The following EML1 variants were observed in gnomAD, a reference collection of about 807,000 sequenced individuals.
EML1 encodes echinoderm microtubule-associated protein-like 1.
Under a neutral mutation model 110.4 loss-of-function variants are expected in EML1, and 27 were observed. The observed-to-expected ratio is 0.24, with a 90% CI of 0.18 to 0.34. EML1 has a LOEUF of 0.34. Among genes scored for constraint, EML1 ranks in the 10% least tolerant of loss-of-function variants. The pLI is 1.00. For synonymous variants in EML1, 344 were observed against 385.8 expected, an observed-to-expected ratio of 0.89 and a Z score of 1.27; for missense variants, 741 against 1,030.9, an observed-to-expected ratio of 0.72 and a Z score of 3.85.
intron 1 of EML1, among the ~76,000 whole-genome samples, chr14:99,744,181 GA>G (rs1262971503): frequency 2.6e-5 from 4 of 152,096 alleles, no homozygotes; most frequent in Non-Finnish European, 5.9e-5. Context: ...GGATGCTCCA[GA>G]ATAAACAAAT....
intron 4 of EML1, among the ~76,000 whole-genome samples, chr14:99,883,764 A>C (rs142530938): frequency 2.0e-5 from 3 of 152,152 alleles, no homozygotes; most frequent in African/African-American, 7.2e-5. Context: ...GAATAAATGC[A>C]CTCTTGCAAT....
upstream of EML1, among the ~76,000 whole-genome samples, chr14:99,790,866 C>CTTTTTTT (rs58349128): frequency 7.7e-5 from 11 of 142,774 alleles, no homozygotes; most frequent in African/African-American, 1.3e-4. Context: ...TTTTCTTTTC[C>CTTTTTTT]TTTTTTTTTG....
At chr14:99,861,284 A>G (rs2139867406) in intron 2 of EML1, among the ~76,000 whole-genome samples, 1 of 152,342 alleles carries the variant, frequency 6.6e-6, no homozygotes, top group African/African-American at 2.4e-5. Context: ...GACGGTGGCC[A>G]GGGCAAGGCG....
intron 1 of EML1, among the ~76,000 whole-genome samples, chr14:99,761,817 C>T (rs942166736): frequency 1.3e-5 from 2 of 151,162 alleles, no homozygotes; most frequent in African/African-American, 2.4e-5. Context: ...CCCAGCTAAT[C>T]GGGAGGCTGA....
At chr14:99,751,669 G>A (rs1313420717) in intron 1 of EML1, among the ~76,000 whole-genome samples, 1 of 152,140 alleles carries the variant, frequency 6.6e-6, no homozygotes, top group Non-Finnish European at 1.5e-5. Flanking sequence ...CCGGGCCATG[G>A]AGCTTCTGAG....
chr14:99,778,727 A>AAAGTGTAATACC (rs1409658309), intron 1 of EML1, among the ~76,000 whole-genome samples: 1 of 152,144 alleles, frequency 6.6e-6, no homozygotes, highest in Non-Finnish European at 1.5e-5. Flanking sequence ...TGCACACATG[A>AAAGTGTAATACC]TTTGATGGTG....
chr14:99,876,963 A>AT (rs1428344845), intron 3 of EML1, among the ~76,000 whole-genome samples: 1 of 152,202 alleles, frequency 6.6e-6, no homozygotes, highest in Non-Finnish European at 1.5e-5. Context: ...GCGTGGACTA[A>AT]TGATGTAGAT....
chr14:99,935,471 A>C (rs2060450486), intron 17 of EML1, among the ~76,000 whole-genome samples: 1 of 149,462 alleles, frequency 6.7e-6, no homozygotes, highest in African/African-American at 2.5e-5. Flanking sequence ...TCTCAAAAGA[A>C]AAAAAAAAAG....
Position 99,939,877 on chromosome 14 carries a change from C to A in EML1, c.2323-110C>A. 1 of 1,350,368 alleles carries A rather than the reference C, an allele frequency of 7.4e-7. No homozygotes were observed. The highest frequency in any genetic ancestry group is 9.8e-7 in the Non-Finnish European group (1 of 1,019,696). The allele number at this position is 1,350,368 out of a possible 1,614,324, so 83.6% of individuals were successfully genotyped here. On this transcript the variant is annotated intron_variant, in intron 21 of 21. Transcript: ENST00000262233. The surrounding 1 kb of genome is among the most constrained non-coding windows in gnomAD (Gnocchi z 4.2). ...AGGTTCCCAAGTGAGAGCTGCCGAGCGGAGGGCGAGTAAAGGAATTAAGGC... is the reference window on the plus strand; with the variant it reads ...AGGTTCCCAAGTGAGAGCTGCCGAGAGGAGGGCGAGTAAAGGAATTAAGGC...
At chr14:99,818,180 G>C (rs1286140708) in intron 1 of EML1, among the ~76,000 whole-genome samples, 1 of 152,090 alleles carries the variant, frequency 6.6e-6, no homozygotes, top group African/African-American at 2.4e-5. Context: ...AGACAATGGA[G>C]ATCCACTACA....
At chr14:99,739,622 C>A (rs747652961) in intron 1 of EML1, among the ~76,000 whole-genome samples, 45 of 152,150 alleles carry the variant, frequency 3.0e-4, no homozygotes, top group Non-Finnish European at 5.3e-4. Context: ...TTGGTTTTCC[C>A]ATCTATAGAA....
Position 99,737,735 on chromosome 14 carries a change from C to T in EML1, c.-98C>T, listed in dbSNP as rs971880770. 54 of 1,223,536 alleles carry T rather than the reference C, an allele frequency of 4.4e-5. No individual in the cohort carries two copies. The Admixed American group carries it at 6.3e-4, about 14-fold the overall frequency. The allele number at this position is 1,223,536 out of a possible 1,614,324, so 75.8% of individuals were successfully genotyped here. A position where few individuals can be genotyped will look rare whatever the true frequency, so the allele number is the denominator to read the frequency against. On this transcript the variant is annotated 5_prime_UTR_variant, in exon 1 of 11. Coordinates refer to the EML1 transcript ENST00000554479. Reference sequence around the variant, plus strand: ...GGGCGGGACGCTGCCTGGGGCTGGACGCGGAGGAGCCCCAAGCCCTGCTGG... The same window carrying T: ...GGGCGGGACGCTGCCTGGGGCTGGATGCGGAGGAGCCCCAAGCCCTGCTGG...
At chr14:99,850,379 C>G (rs1164843206) in intron 1 of EML1, 1 of 1,284,226 alleles carries the variant, frequency 7.8e-7, no homozygotes, top group South Asian at 1.2e-5. Flanking sequence ...TTGCCAAACT[C>G]ATATTGCTTT....
At chr14:99,780,564 T>G (rs2140214470) in intron 1 of EML1, among the ~76,000 whole-genome samples, 1 of 152,318 alleles carries the variant, frequency 6.6e-6, no homozygotes, top group African/African-American at 2.4e-5. Context: ...CCTGGAAAGA[T>G]GCTGATAGAG....
At chr14:99,898,157 C>T (rs1024530676) in intron 7 of EML1, 76 bp from the exon 8 acceptor site, 1 of 1,245,932 alleles carries the variant, frequency 8.0e-7, no homozygotes, top group Non-Finnish European at 1.1e-6. Context: ...AAATTTTTGA[C>T]TAGATTATAT....
At chr14:99,894,518 A>T in intron 5 of EML1, 111 bp from the exon 6 acceptor site, 2 of 1,245,174 alleles carry the variant, frequency 1.6e-6, no homozygotes, top group East Asian at 2.9e-5. Context: ...TTAGAATGAC[A>T]GAAGGGTAAA....
At chr14:99,850,282 T>A (rs1369652442) in intron 1 of EML1, 2 of 1,288,586 alleles carry the variant, frequency 1.6e-6, no homozygotes, top group Admixed American at 2.3e-5. Context: ...GCGAAGAAGA[T>A]CACGGAGAGG....
chr14:99,859,705 G>T (rs993113262), intron 2 of EML1, among the ~76,000 whole-genome samples: 2 of 152,124 alleles, frequency 1.3e-5, no homozygotes, highest in African/African-American at 4.8e-5. Flanking sequence ...GGCTGGTTTT[G>T]GGGGAGAATG....
At chr14:99,809,731 TG>T (rs1441862829) in intron 1 of EML1, 1 of 455,992 alleles carries the variant, frequency 2.2e-6, no homozygotes, top group African/African-American at 2.0e-5. Context: ...AATCATTTGA[TG>T]GGTGGGGAGA....
Sources: gnomAD v4.1 joint callset for allele counts (sites outside exome capture counted in the v4.1 genomes callset) on GRCh38, gnomAD v4.1.1 for gene constraint, Gnocchi (gnomAD v3.1) non-coding constraint, MANE v1.5 for transcripts, NCBI Gene and HGNC (gene_info 2026-07-23, HGNC 2026-07-21) for gene names.